The following METTL15 variants were observed in gnomAD, a reference collection of about 807,000 sequenced individuals.
METTL15 encodes methyltransferase 15, mitochondrial 12S rRNA N4-cytidine, also known as 12S rRNA N(4)-cytidine methyltransferase METTL15.
METTL15 carries 34 observed loss-of-function variants against 38.3 expected under a neutral mutation model. The observed-to-expected ratio is 0.89, with a 90% confidence interval of 0.68 to 1.18. METTL15 has a LOEUF of 1.18. Among genes scored for constraint, METTL15 ranks in the 50% most tolerant of loss-of-function variants. The pLI is 0.00. For missense variants in METTL15, 438 were observed against 498.4 expected (o/e 0.88, Z 1.15); for synonymous variants, 162 against 170.9 (o/e 0.95, Z 0.41).
chr11:28,430,271 G>A (rs1273247350), intron 6 of METTL15, among the ~76,000 whole-genome samples: 4 of 145,382 alleles, frequency 2.8e-5, no homozygotes, highest in Non-Finnish European at 6.1e-5. Context: ...ATCCGGGAGG[G>A]AGGTGGGGGG....
At chr11:28,527,730 A>C (rs1444141918), downstream of METTL15, among the ~76,000 whole-genome samples, 1 of 152,232 alleles carries the variant, frequency 6.6e-6, no homozygotes, top group Non-Finnish European at 1.5e-5. Flanking sequence ...AAGATCTGAC[A>C]AAAGAAGTAG....
intron 6 of METTL15, among the ~76,000 whole-genome samples, chr11:28,308,217 C>T (rs1211479456): frequency 1.3e-5 from 2 of 151,960 alleles, no homozygotes; most frequent in Non-Finnish European, 2.9e-5. Context: ...TTCTGTCATT[C>T]ATATTTAATT....
intron 3 of METTL15, among the ~76,000 whole-genome samples, chr11:28,138,253 TTGAC>T (rs2133652317): frequency 6.6e-6 from 1 of 152,314 alleles, no homozygotes; most frequent in African/African-American, 2.4e-5. Context: ...AATAATTCAT[TTGAC>T]TGAGAGAAAG....
intron 5 of METTL15, among the ~76,000 whole-genome samples, chr11:28,293,460 C>T (rs1198424115): frequency 6.6e-6 from 1 of 152,092 alleles, no homozygotes; most frequent in Middle Eastern, 3.2e-3. Context: ...TTACTGTAGC[C>T]TTGTAGTATA....
chr11:28,217,906 C>A (rs1257883031), intron 4 of METTL15, among the ~76,000 whole-genome samples: 1 of 151,950 alleles, frequency 6.6e-6, no homozygotes, highest in Non-Finnish European at 1.5e-5. Context: ...CTATTCGGTT[C>A]CTTTGGTCTA....
At chr11:28,307,436 A>G (rs1857121353) in intron 6 of METTL15, among the ~76,000 whole-genome samples, 2 of 151,984 alleles carry the variant, frequency 1.3e-5, no homozygotes, top group African/African-American at 4.8e-5. Context: ...TGATGTTTAT[A>G]CAATGAGCTT....
intron 2 of METTL15, among the ~76,000 whole-genome samples, chr11:28,111,067 C>T (rs1851697350): frequency 6.6e-6 from 1 of 152,154 alleles, no homozygotes; most frequent in South Asian, 2.1e-4. Context: ...GCCACACCCC[C>T]AGCTTCCATT....
chr11:28,115,447 G>A (rs944350220), intron 3 of METTL15, among the ~76,000 whole-genome samples: 6 of 151,782 alleles, frequency 4.0e-5, no homozygotes, highest in Non-Finnish European at 8.8e-5. Context: ...TAGTAGAGAT[G>A]GGGTTTCTCC....
chr11:28,133,966 T>C (rs571517412), intron 3 of METTL15, among the ~76,000 whole-genome samples: 2 of 152,228 alleles, frequency 1.3e-5, no homozygotes, highest in Non-Finnish European at 2.9e-5. Context: ...CTATGTTGAC[T>C]GCTCTAAAGG....
intron 3 of METTL15, among the ~76,000 whole-genome samples, chr11:28,210,527 C>G (rs969826301): frequency 1.3e-5 from 2 of 151,762 alleles, no homozygotes; most frequent in Non-Finnish European, 2.9e-5. Context: ...TTTATTATTA[C>G]AGATACAATC....
chr11:28,389,121 G>GA (rs1473968263), intron 5 of METTL15, among the ~76,000 whole-genome samples: 2 of 151,960 alleles, frequency 1.3e-5, no homozygotes, highest in African/African-American at 4.8e-5. Flanking sequence ...TTGCTATTGT[G>GA]AATAGTGCCT....
downstream of METTL15, among the ~76,000 whole-genome samples, chr11:28,528,493 G>C (rs1158451626): frequency 6.6e-6 from 1 of 152,182 alleles, no homozygotes; most frequent in Non-Finnish European, 1.5e-5. Flanking sequence ...GATTGGTTAA[G>C]CTCTTCTTAC....
At chr11:28,214,782 A>G (rs2133848166) in intron 4 of METTL15, among the ~76,000 whole-genome samples, 1 of 152,296 alleles carries the variant, frequency 6.6e-6, no homozygotes, top group African/African-American at 2.4e-5. Context: ...TTTTATAATG[A>G]TCTACTGAAT....
At chr11:28,164,368 C>T (rs919693793) in intron 3 of METTL15, among the ~76,000 whole-genome samples, 1 of 151,960 alleles carries the variant, frequency 6.6e-6, no homozygotes, top group Non-Finnish European at 1.5e-5. Context: ...TTTTAATTCA[C>T]TATTGATACT....
chr11:28,240,106 T>C (rs1169829439), intron 4 of METTL15, among the ~76,000 whole-genome samples: 1 of 152,144 alleles, frequency 6.6e-6, no homozygotes, highest in Non-Finnish European at 1.5e-5. Flanking sequence ...CCATGATCTA[T>C]TGCACTATAA....
intron 3 of METTL15, among the ~76,000 whole-genome samples, chr11:28,349,326 C>T (rs1424978058): frequency 2.6e-5 from 4 of 152,186 alleles, no homozygotes; most frequent in East Asian, 1.9e-4. Context: ...GCCCTGTGTT[C>T]AGATTAGCCT....
At chr11:28,445,378 C>T (rs1444449364) in intron 6 of METTL15, among the ~76,000 whole-genome samples, 1 of 151,890 alleles carries the variant, frequency 6.6e-6, no homozygotes, top group African/African-American at 2.4e-5. Context: ...GCCTTAGTTT[C>T]TTTTTTAAGA....
chr11:28,251,692 C>G (rs1296162585), intron 4 of METTL15, among the ~76,000 whole-genome samples: 1 of 151,978 alleles, frequency 6.6e-6, no homozygotes, highest in Non-Finnish European at 1.5e-5. Context: ...ATTTTTCTTC[C>G]ATTCTACCTT....
At chr11:28,132,484 G>T (rs759470525) in intron 3 of METTL15, among the ~76,000 whole-genome samples, 2 of 150,256 alleles carry the variant, frequency 1.3e-5, no homozygotes, top group African/African-American at 2.4e-5. Context: ...TTTTAAACTG[G>T]TTGAAAATAA....
Sources: gnomAD v4.1 joint callset for allele counts (sites outside exome capture counted in the v4.1 genomes callset) on GRCh38, gnomAD v4.1.1 for gene constraint, MANE v1.5 for transcripts, NCBI Gene and HGNC (gene_info 2026-07-23, HGNC 2026-07-21) for gene names.